The following CCDC171 variants were observed in gnomAD, a reference collection of about 807,000 sequenced individuals.
The protein encoded by CCDC171 is coiled-coil domain containing 171.
CCDC171 carries 177 observed loss-of-function variants against 168.2 expected under a neutral mutation model. The observed-to-expected ratio is 1.05, with a 90% CI of 0.93 to 1.19. CCDC171 has a LOEUF of 1.19. Ranked by LOEUF, CCDC171 falls within the 50% of genes most tolerant of loss-of-function variation. The pLI is 0.00. For synonymous variants in CCDC171, 687 were observed against 540.8 expected, an observed-to-expected ratio of 1.27 and a Z score of -3.75; for missense variants, 1,991 against 1,539.0, an observed-to-expected ratio of 1.29 and a Z score of -4.91.
intron 21 of CCDC171, among the ~76,000 whole-genome samples, chr9:15,790,562 T>C (rs2058203301): frequency 6.6e-6 from 1 of 152,238 alleles, no homozygotes; most frequent in Non-Finnish European, 1.5e-5. Flanking sequence ...TTCACTCTGA[T>C]GGTAGTTTCT....
At chr9:15,932,379 C>A (rs560549860) in intron 25 of CCDC171, among the ~76,000 whole-genome samples, 4 of 151,720 alleles carry the variant, frequency 2.6e-5, no homozygotes, top group Admixed American at 2.0e-4. Flanking sequence ...CTATTGTAAA[C>A]GGAATTGTTT....
chr9:15,948,437 C>T (rs1828698745), intron 25 of CCDC171, among the ~76,000 whole-genome samples: 1 of 143,842 alleles, frequency 7.0e-6, no homozygotes, highest in Non-Finnish European at 1.5e-5. Flanking sequence ...TTTACAGTCC[C>T]ACCAACAGTG....
the CCDC171 span, among the ~76,000 whole-genome samples, chr9:16,097,506 A>G: frequency 2.6e-5 from 4 of 152,198 alleles, no homozygotes; most frequent in African/African-American, 9.6e-5. Context: ...TGTTCAGTGA[A>G]ATTAAGTACT....
At chr9:15,669,680 A>T (rs2048971613) in intron 9 of CCDC171, among the ~76,000 whole-genome samples, 1 of 152,192 alleles carries the variant, frequency 6.6e-6, no homozygotes, top group Non-Finnish European at 1.5e-5. Flanking sequence ...GGAGAAAGAG[A>T]TCATAGTAAT....
chr9:15,727,096 T>A (rs1157044857), intron 14 of CCDC171, among the ~76,000 whole-genome samples: 2 of 152,196 alleles, frequency 1.3e-5, no homozygotes, highest in African/African-American at 4.8e-5. Flanking sequence ...AAAGGACTTT[T>A]AAAAACATAT....
rs557787289 is a variant in CCDC171, at chr9:15,794,115, T to C, written c.3267+9421T>C. Among the ~76,000 whole-genome samples the C allele has an allele frequency of 2.0e-5, 3 of 152,242 alleles. No homozygotes were observed. The East Asian group carries it at 5.8e-4, about 29-fold the overall frequency. ...TTAAGAAGGAAGTTTGATATAGGTTTTTATTTGATAATCCTTGTTGGGTTA... is the reference window on the plus strand; with the variant it reads ...TTAAGAAGGAAGTTTGATATAGGTTCTTATTTGATAATCCTTGTTGGGTTA... On this transcript the variant is annotated intron_variant, in intron 21 of 25. Transcript: ENST00000380701.
chr9:15,827,731 C>T (rs1195237855), intron 21 of CCDC171, among the ~76,000 whole-genome samples: 1 of 152,008 alleles, frequency 6.6e-6, no homozygotes, highest in Non-Finnish European at 1.5e-5. Flanking sequence ...TGAGGGTGCC[C>T]TAGATTATGT....
chr9:15,959,494 A>C (rs1830139622), intron 25 of CCDC171, among the ~76,000 whole-genome samples: 1 of 152,210 alleles, frequency 6.6e-6, no homozygotes, highest in Non-Finnish European at 1.5e-5. Context: ...TGTTTACAAA[A>C]ATAAAAGTAT....
intron 3 of CCDC171, among the ~76,000 whole-genome samples, chr9:16,012,694 A>G (rs1470819573): frequency 6.6e-6 from 1 of 152,006 alleles, no homozygotes; most frequent in African/African-American, 2.4e-5. Context: ...GAATGATTTT[A>G]GTTCACTGAA....
chr9:15,958,180 C>T (rs1829994221), intron 25 of CCDC171, among the ~76,000 whole-genome samples: 1 of 152,024 alleles, frequency 6.6e-6, no homozygotes, highest in South Asian at 2.1e-4. Context: ...AGAGTACCTG[C>T]TCTGTACCTG....
chr9:15,779,434 A>C (rs1471095246), intron 20 of CCDC171, among the ~76,000 whole-genome samples: 2 of 152,016 alleles, frequency 1.3e-5, no homozygotes, highest in Non-Finnish European at 2.9e-5. Flanking sequence ...ATCTCAGCTC[A>C]CTGCAACCTC....
chr9:15,925,575 A>G (rs1424992462), intron 25 of CCDC171, among the ~76,000 whole-genome samples: 2 of 151,614 alleles, frequency 1.3e-5, no homozygotes, highest in African/African-American at 2.4e-5. Context: ...CACTTTGGCT[A>G]CAGTGTGAGG....
chr9:15,788,433 A>G (rs375848571), intron 21 of CCDC171, among the ~76,000 whole-genome samples: 1 of 152,286 alleles, frequency 6.6e-6, no homozygotes, highest in East Asian at 1.9e-4. Context: ...AACTTCTTTT[A>G]AAAAACAAAG....
chr9:15,626,506 G>A (rs2132155725), intron 7 of CCDC171, among the ~76,000 whole-genome samples: 1 of 152,256 alleles, frequency 6.6e-6, no homozygotes, highest in Non-Finnish European at 1.5e-5. Flanking sequence ...CTAGTTTATT[G>A]AGAGTTTTTA....
chr9:15,698,787 A>G (rs751713304), intron 11 of CCDC171, among the ~76,000 whole-genome samples: 5 of 152,272 alleles, frequency 3.3e-5, no homozygotes, highest in South Asian at 4.2e-4. Flanking sequence ...TCCTGGGCTC[A>G]AACAATCCTC....
rs189875286 is a variant in CCDC171, at chr9:15,779,812, C to T, written c.3081+662C>T. ...CAGAAAATAGCTGAAAAAGCACAGT[C>T]GTATGCCAAATACCATTAGATCAAG... On this transcript the variant is annotated intron_variant, in intron 20 of 25. Transcript: ENST00000380701. Among the ~76,000 whole-genome samples, 42 of 152,304 alleles carry T rather than the reference C, an allele frequency of 2.8e-4. No individual in the cohort carries two copies. The East Asian group carries it at 6.0e-3, about 22-fold the overall frequency.
intron 3 of CCDC171, 26 bp from the exon 4 acceptor site, chr9:15,578,823 T>C (rs2040886901): frequency 6.3e-7 from 1 of 1,592,030 alleles, no homozygotes; most frequent in Admixed American, 1.7e-5. Context: ...TTTGGACACA[T>C]GTTGATATCA....
At chr9:16,080,237 G>C in the CCDC171 span, among the ~76,000 whole-genome samples, 2 of 152,192 alleles carry the variant, frequency 1.3e-5, no homozygotes, top group Middle Eastern at 3.2e-3. Flanking sequence ...CAGGTCCCCA[G>C]ATGTGGTCTG....
intron 6 of CCDC171, among the ~76,000 whole-genome samples, chr9:15,598,714 C>T (rs1435476015): frequency 6.6e-6 from 1 of 152,112 alleles, no homozygotes; most frequent in Non-Finnish European, 1.5e-5. Flanking sequence ...TGTTAACTTT[C>T]TGTCTCATTG....
Sources: allele counts gnomAD v4.1 joint callset (sites outside exome capture counted in the v4.1 genomes callset), GRCh38; gene constraint gnomAD v4.1.1; transcripts MANE v1.5; gene names NCBI Gene and HGNC (gene_info 2026-07-23, HGNC 2026-07-21).